The following PKIB variants were observed in gnomAD, a reference collection of about 807,000 sequenced individuals.
The protein encoded by PKIB is cAMP-dependent protein kinase inhibitor beta, also known as PKI-beta.
Under a neutral mutation model 4.5 loss-of-function variants are expected in PKIB, and 2 were observed. The observed-to-expected ratio is 0.44, with a 90% CI of 0.18 to 1.39. The LOEUF (loss-of-function observed/expected upper bound fraction) is 1.39, where lower values mean the gene tolerates loss of function less well. Among genes scored for constraint, PKIB ranks in the 40% most tolerant of loss-of-function variants. The pLI, the probability that PKIB is intolerant of heterozygous loss-of-function variation, is 0.27. For missense variants in PKIB, 94 were observed against 92.6 expected, an observed-to-expected ratio of 1.02 and a Z score of -0.06; for synonymous variants, 38 against 36.0, an observed-to-expected ratio of 1.06 and a Z score of -0.20.
At chr6:122,561,819 T>A (rs1432905358) in intron 2 of PKIB, among the ~76,000 whole-genome samples, 1 of 152,010 alleles carries the variant, frequency 6.6e-6, no homozygotes, top group East Asian at 1.9e-4. Flanking sequence ...AAGTATTAGG[T>A]GAGCCTCCTG....
chr6:122,673,989 A>G (rs1582799588), intron 2 of PKIB, among the ~76,000 whole-genome samples: 1 of 152,290 alleles, frequency 6.6e-6, no homozygotes, highest in African/African-American at 2.4e-5. Context: ...TATACTAGCA[A>G]GGAGATGGGG....
At chr6:122,622,884 G>A (rs1214521329) in intron 1 of PKIB, among the ~76,000 whole-genome samples, 2 of 152,064 alleles carry the variant, frequency 1.3e-5, no homozygotes, top group Non-Finnish European at 2.9e-5. Context: ...CATGAACTTG[G>A]GGCAGGGCAG....
intron 2 of PKIB, among the ~76,000 whole-genome samples, chr6:122,492,261 G>T (rs573456181): frequency 1.3e-5 from 2 of 152,316 alleles, no homozygotes; most frequent in African/African-American, 4.8e-5. Flanking sequence ...TAAGCATATT[G>T]AGAGAATCTC....
At chr6:122,710,416 T>C (rs1779227646) in intron 3 of PKIB, among the ~76,000 whole-genome samples, 1 of 152,090 alleles carries the variant, frequency 6.6e-6, no homozygotes, top group Non-Finnish European at 1.5e-5. Context: ...ATCACATTAT[T>C]TTCCCACTAG....
chr6:122,567,185 G>A (rs564092373), intron 2 of PKIB, among the ~76,000 whole-genome samples: 28 of 152,268 alleles, frequency 1.8e-4, no homozygotes, highest in African/African-American at 6.3e-4. Flanking sequence ...CTCTATGCTT[G>A]GAGTTTTTCT....
intron 3 of PKIB, among the ~76,000 whole-genome samples, chr6:122,684,679 A>G (rs1778028307): frequency 6.6e-6 from 1 of 152,166 alleles, no homozygotes; most frequent in Non-Finnish European, 1.5e-5. Context: ...TCCTATATAC[A>G]TCTTTGAAAA....
intron 3 of PKIB, among the ~76,000 whole-genome samples, chr6:122,714,921 A>C (rs1779418818): frequency 6.6e-6 from 1 of 151,914 alleles, no homozygotes; most frequent in African/African-American, 2.4e-5. Flanking sequence ...AGTAGCTGGG[A>C]TCACAGGTGT....
chr6:122,526,795 G>A (rs928666329), intron 2 of PKIB, among the ~76,000 whole-genome samples: 3 of 152,066 alleles, frequency 2.0e-5, no homozygotes, highest in African/African-American at 7.2e-5. Flanking sequence ...ATGAGCATTT[G>A]TTTCTAGCTA....
At chr6:122,551,212 C>T (rs1482074147) in intron 2 of PKIB, among the ~76,000 whole-genome samples, 1 of 151,810 alleles carries the variant, frequency 6.6e-6, no homozygotes, top group African/African-American at 2.4e-5. Flanking sequence ...TTGATGATTC[C>T]CTGGTTACTC....
At chr6:122,560,970 T>C (rs900607187) in intron 2 of PKIB, among the ~76,000 whole-genome samples, 1 of 152,092 alleles carries the variant, frequency 6.6e-6, no homozygotes, top group African/African-American at 2.4e-5. Context: ...CTATCAATTT[T>C]ATTTATCTTT....
intron 4 of PKIB, among the ~76,000 whole-genome samples, chr6:122,722,080 T>C (rs1451270969): frequency 1.3e-5 from 2 of 152,138 alleles, no homozygotes; most frequent in East Asian, 1.9e-4. Context: ...ACTTGACATA[T>C]GCAGAAGGTT....
intron 2 of PKIB, among the ~76,000 whole-genome samples, chr6:122,645,277 C>T (rs1776266062): frequency 6.6e-6 from 1 of 152,112 alleles, no homozygotes; most frequent in Non-Finnish European, 1.5e-5. Context: ...TGTAACTTGT[C>T]AGTATAAGAG....
intron 3 of PKIB, among the ~76,000 whole-genome samples, chr6:122,699,652 A>G (rs1010095067): frequency 2.0e-5 from 3 of 152,176 alleles, no homozygotes; most frequent in Non-Finnish European, 4.4e-5. Context: ...GTTTTAAATT[A>G]CTTTGAGCCA....
chr6:122,474,281 G>C (rs1421179683), intron 1 of PKIB, among the ~76,000 whole-genome samples: 2 of 152,210 alleles, frequency 1.3e-5, no homozygotes, highest in Non-Finnish European at 2.9e-5. Flanking sequence ...GAAGTTTTCA[G>C]ATAAGCTTGG....
At chr6:122,537,435 G>T (rs1015853583) in intron 2 of PKIB, among the ~76,000 whole-genome samples, 2 of 151,936 alleles carry the variant, frequency 1.3e-5, no homozygotes, top group Non-Finnish European at 2.9e-5. Context: ...GAACATTTTG[G>T]TTTTTTGTCC....
chr6:122,688,376 G>A (rs967433708), intron 3 of PKIB, among the ~76,000 whole-genome samples: 3 of 152,024 alleles, frequency 2.0e-5, no homozygotes, highest in Non-Finnish European at 2.9e-5. Context: ...GAAGATTTTT[G>A]GATTGATATT....
chr6:122,509,155 A>G (rs1187837582), intron 2 of PKIB, among the ~76,000 whole-genome samples: 2 of 152,164 alleles, frequency 1.3e-5, no homozygotes, highest in East Asian at 3.8e-4. Context: ...TCGCTTTTTC[A>G]GTACTAGAGC....
At chr6:122,544,196 A>G (rs1346132769) in intron 2 of PKIB, among the ~76,000 whole-genome samples, 1 of 152,010 alleles carries the variant, frequency 6.6e-6, no homozygotes. Flanking sequence ...AAATTTTAAC[A>G]GAGCAGTAAT....
At chr6:122,648,765 A>G (rs745649255) in intron 2 of PKIB, among the ~76,000 whole-genome samples, 1 of 152,248 alleles carries the variant, frequency 6.6e-6, no homozygotes, top group Non-Finnish European at 1.5e-5. Flanking sequence ...GAAGTCTCAT[A>G]CAATCAACCT....
Sources: allele counts gnomAD v4.1 joint callset (sites outside exome capture counted in the v4.1 genomes callset), GRCh38; gene constraint gnomAD v4.1.1; transcripts MANE v1.5; gene names NCBI Gene and HGNC (gene_info 2026-07-23, HGNC 2026-07-21).